SLC24A2: variants seen among roughly 807,000 people sequenced by gnomAD.
SLC24A2 encodes solute carrier family 24 member 2.
SLC24A2 carries 36 observed loss-of-function variants against 62.0 expected under a neutral mutation model. The observed-to-expected ratio is 0.58, with a 90% CI of 0.44 to 0.77. SLC24A2 has a LOEUF of 0.77. Among genes scored for constraint, SLC24A2 ranks in the 30% least tolerant of loss-of-function variants. The pLI, the probability that SLC24A2 is intolerant of heterozygous loss-of-function variation, is 0.00. For missense variants in SLC24A2, 846 were observed against 817.9 expected (o/e 1.03, Z -0.42); for synonymous variants, 358 against 294.0 (o/e 1.22, Z -2.23).
At chr9:19,856,008 C>T in the SLC24A2 span, among the ~76,000 whole-genome samples, 7 of 151,810 alleles carry the variant, frequency 4.6e-5, no homozygotes, top group South Asian at 2.1e-4. Flanking sequence ...TCTCTAGTCT[C>T]GTTTGCCTGT....
the SLC24A2 span, among the ~76,000 whole-genome samples, chr9:19,812,446 C>G: frequency 5.9e-5 from 9 of 152,114 alleles, no homozygotes; most frequent in East Asian, 3.8e-4. Context: ...TCTCTAATCT[C>G]TTGTTAAACC....
the SLC24A2 span, among the ~76,000 whole-genome samples, chr9:20,003,905 A>C: frequency 6.6e-6 from 1 of 151,698 alleles, no homozygotes; most frequent in Non-Finnish European, 1.5e-5. Context: ...AAAAAAAAAA[A>C]CAGGATAAAA....
At chr9:19,932,574 G>T in the SLC24A2 span, among the ~76,000 whole-genome samples, 2 of 152,140 alleles carry the variant, frequency 1.3e-5, no homozygotes, top group South Asian at 4.1e-4. Context: ...TATTGTATGG[G>T]TGACTCACGG....
chr9:20,096,137 C>T, the SLC24A2 span, among the ~76,000 whole-genome samples: 1 of 152,018 alleles, frequency 6.6e-6, no homozygotes, highest in East Asian at 1.9e-4. Context: ...CCTATTGATT[C>T]TTCTATGGAG....
At chr9:19,824,470 A>T in the SLC24A2 span, among the ~76,000 whole-genome samples, 14 of 152,248 alleles carry the variant, frequency 9.2e-5, no homozygotes, top group African/African-American at 3.4e-4. Context: ...CCACAATGAG[A>T]TACCATCTCA....
chr9:20,097,885 G>T, the SLC24A2 span, among the ~76,000 whole-genome samples: 3 of 151,528 alleles, frequency 2.0e-5, no homozygotes, highest in Admixed American at 6.6e-5. Flanking sequence ...TGGGACTACA[G>T]GCGCTCGACA....
chr9:19,520,753 C>A (rs1398700236), intron 10 of SLC24A2, 141 bp downstream of exon 10: 35 of 782,172 alleles, frequency 4.5e-5, no homozygotes, highest in Non-Finnish European at 4.4e-5. Context: ...TGGGGAAATG[C>A]AATGGTATTC....
At chr9:20,172,698 T>G in the SLC24A2 span, among the ~76,000 whole-genome samples, 5 of 151,740 alleles carry the variant, frequency 3.3e-5, no homozygotes, top group African/African-American at 1.2e-4. Context: ...GAATTTAACA[T>G]GAAATAAAAA....
chr9:20,166,095 A>G, the SLC24A2 span, among the ~76,000 whole-genome samples: 1 of 151,938 alleles, frequency 6.6e-6, no homozygotes, highest in African/African-American at 2.4e-5. Context: ...TTTATCACCC[A>G]TCAGATTGGC....
the SLC24A2 span, among the ~76,000 whole-genome samples, chr9:20,230,491 T>C: frequency 6.6e-6 from 1 of 152,260 alleles, no homozygotes; most frequent in Non-Finnish European, 1.5e-5. Context: ...CCAGTGATGA[T>C]GACCATTTTT....
At chr9:20,066,633 A>C in the SLC24A2 span, among the ~76,000 whole-genome samples, 6 of 152,206 alleles carry the variant, frequency 3.9e-5, no homozygotes, top group African/African-American at 9.7e-5. Flanking sequence ...TGGAAGCATA[A>C]AAAATTTATG....
At chr9:19,812,561 T>C in the SLC24A2 span, among the ~76,000 whole-genome samples, 2 of 152,202 alleles carry the variant, frequency 1.3e-5, no homozygotes, top group African/African-American at 2.4e-5. Context: ...TTTATCTTTT[T>C]GTCTGTTTTC....
chr9:20,218,862 G>T, the SLC24A2 span, among the ~76,000 whole-genome samples: 1 of 152,142 alleles, frequency 6.6e-6, no homozygotes, highest in Non-Finnish European at 1.5e-5. Flanking sequence ...AGTCTCATCA[G>T]GCTGCAATCC....
the SLC24A2 span, among the ~76,000 whole-genome samples, chr9:19,873,536 C>CTTTCTTTCTTTCTTTCTTTATTTCTT: frequency 5.3e-4 from 72 of 137,124 alleles, no homozygotes; most frequent in Non-Finnish European, 6.9e-4. Flanking sequence ...TCCTTTCTTT[C>CTTTCTTTCTTTCTTTCTTTATTTCTT]TCTTTCTTTC....
chr9:19,729,391 G>C (rs922749255), intron 2 of SLC24A2, among the ~76,000 whole-genome samples: 2 of 152,182 alleles, frequency 1.3e-5, no homozygotes, highest in African/African-American at 4.8e-5. Context: ...AGAAAGGAAA[G>C]AAGTGTATTG....
At position 19,786,904 on chromosome 9, in the gene SLC24A2, T is replaced by C; in HGVS notation, c.-38A>G. 3 of 1,601,308 alleles carry C rather than the reference T, an allele frequency of 1.9e-6. No individual in the cohort carries two copies. Among genetic ancestry groups the C allele is most frequent in the South Asian group, 1.1e-5 (1 of 90,798 alleles). ...GGTGGATATGGTGATCTTCCAACTT[T>C]AGACTCAACCAGATGGTTCTTTCAT... On this transcript the variant is annotated 5_prime_UTR_variant, in exon 2 of 11. Transcript: ENST00000341998. This position sits in a 1 kb window ranked among gnomAD's most constrained non-coding sequence, Gnocchi z 5.0.
chr9:20,155,484 CTGTT>C, the SLC24A2 span, among the ~76,000 whole-genome samples: 2 of 151,712 alleles, frequency 1.3e-5, no homozygotes, highest in South Asian at 4.1e-4. Context: ...GTGGATTTTT[CTGTT>C]TGTTTCAGAT....
At chr9:19,834,527 A>G in the SLC24A2 span, among the ~76,000 whole-genome samples, 1 of 152,200 alleles carries the variant, frequency 6.6e-6, no homozygotes, top group African/African-American at 2.4e-5. Flanking sequence ...TTTAGAGAAA[A>G]AAGAATAAAA....
At chr9:20,237,819 G>C in the SLC24A2 span, among the ~76,000 whole-genome samples, 2 of 152,120 alleles carry the variant, frequency 1.3e-5, no homozygotes, top group Non-Finnish European at 2.9e-5. Context: ...CCTCTAGATA[G>C]AAGTAGTCTC....
Sources: allele counts gnomAD v4.1 joint callset (sites outside exome capture counted in the v4.1 genomes callset), GRCh38; gene constraint gnomAD v4.1.1; non-coding constraint Gnocchi (gnomAD v3.1); transcripts MANE v1.5; gene names NCBI Gene and HGNC (gene_info 2026-07-23, HGNC 2026-07-21).